The following NAALADL2 variants were observed in gnomAD, a reference collection of about 807,000 sequenced individuals.
NAALADL2 encodes the protein inactive N-acetylated-alpha-linked acidic dipeptidase-like protein 2.
In NAALADL2, 76 loss-of-function variants were observed where a neutral mutation model predicts 87.2. The ratio of observed to expected loss-of-function variants is 0.87; its 90% confidence interval spans 0.72 to 1.05. The LOEUF (loss-of-function observed/expected upper bound fraction) is 1.05. Among genes scored for constraint, NAALADL2 ranks in the 50% least tolerant of loss-of-function variants. NAALADL2 has a pLI of 0.00. For synonymous variants in NAALADL2, 354 were observed against 331.0 expected (o/e 1.07, Z -0.75); for missense variants, 1,089 against 945.8 (o/e 1.15, Z -1.99).
rs1753804382 is a variant in NAALADL2 at position 175,798,854 on chromosome 3, A to C, written c.2190-4151A>C. Among the ~76,000 whole-genome samples, 3 of 151,962 alleles carry C rather than the reference A, an allele frequency of 2.0e-5. No homozygotes were observed. The South Asian group carries it at 6.2e-4, about 31-fold the overall frequency. ...TAACTTTTATGAGCATATTTTATTA[A>C]TAACATCTTATCATTAAATTGAATA... is the stretch of plus-strand genomic sequence containing the variant. On this transcript the variant is annotated intron_variant, in intron 13 of 13. Coordinates refer to ENST00000454872, the MANE Select transcript of NAALADL2 (RefSeq NM_207015.3).
chr3:175,610,673 T>A (rs906141561), intron 10 of NAALADL2, among the ~76,000 whole-genome samples: 1 of 152,138 alleles, frequency 6.6e-6, no homozygotes, highest in Non-Finnish European at 1.5e-5. Flanking sequence ...GAATTTTTGA[T>A]CATGTGTGTT....
intron 6 of NAALADL2, among the ~76,000 whole-genome samples, chr3:175,452,353 A>G (rs367888920): frequency 2.1e-4 from 32 of 152,250 alleles, no homozygotes; most frequent in African/African-American, 6.7e-4. Flanking sequence ...GTTCCAACAT[A>G]ACAAATGACA....
intron 1 of NAALADL2, among the ~76,000 whole-genome samples, chr3:175,053,840 C>T (rs1230770602): frequency 6.6e-6 from 1 of 152,178 alleles, no homozygotes; most frequent in Non-Finnish European, 1.5e-5. Flanking sequence ...GCATTTGAGA[C>T]CAGAGGCATT....
chr3:174,488,041 G>A (rs1478186297), intron 1 of NAALADL2, among the ~76,000 whole-genome samples: 1 of 151,992 alleles, frequency 6.6e-6, no homozygotes, highest in African/African-American at 2.4e-5. Flanking sequence ...TGAGATGGAT[G>A]TCAGGTAGAG....
chr3:175,222,919 TC>T, intron 2 of NAALADL2, among the ~76,000 whole-genome samples: 1 of 152,284 alleles, frequency 6.6e-6, no homozygotes, highest in East Asian at 1.9e-4. Flanking sequence ...TGCTAGATTC[TC>T]ATATGTGTTT....
intron 1 of NAALADL2, among the ~76,000 whole-genome samples, chr3:174,879,333 T>C (rs1051498388): frequency 6.6e-6 from 1 of 152,006 alleles, no homozygotes; most frequent in Non-Finnish European, 1.5e-5. Context: ...TCCTAGTTTA[T>C]CCCCTTCATT....
At chr3:175,394,620 G>T (rs1449285782) in intron 5 of NAALADL2, among the ~76,000 whole-genome samples, 1 of 151,080 alleles carries the variant, frequency 6.6e-6, no homozygotes, top group Non-Finnish European at 1.5e-5. Context: ...TGACAGTTGT[G>T]TTTTTTATGT....
At chr3:175,482,405 G>T (rs1258812256) in intron 9 of NAALADL2, among the ~76,000 whole-genome samples, 1 of 151,370 alleles carries the variant, frequency 6.6e-6, no homozygotes, top group Non-Finnish European at 1.5e-5. Context: ...TTCATCAAAA[G>T]CTTTTTAAGT....
intron 3 of NAALADL2, among the ~76,000 whole-genome samples, chr3:174,787,601 A>ACATATATATATATATATATG (rs1346232794): frequency 2.2e-5 from 2 of 91,208 alleles, no homozygotes; most frequent in African/African-American, 7.7e-5. Flanking sequence ...ATATATATAT[A>ACATATATATATATATATATG]TATATATATA....
chr3:175,056,842 G>T (rs9825180), intron 1 of NAALADL2, among the ~76,000 whole-genome samples: 47,784 of 152,112 alleles, frequency 0.31, 9,676 homozygotes, highest in African/African-American at 0.58. Flanking sequence ...AAGAAAACCC[G>T]TAAGCAGTTT....
chr3:175,217,610 A>G (rs1182040419), intron 2 of NAALADL2, among the ~76,000 whole-genome samples: 1 of 152,226 alleles, frequency 6.6e-6, no homozygotes, highest in Admixed American at 6.5e-5. Flanking sequence ...AGTTAGCTTA[A>G]CAGTGTTCAA....
intron 1 of NAALADL2, among the ~76,000 whole-genome samples, chr3:175,037,244 A>G (rs566725752): frequency 6.6e-6 from 1 of 152,250 alleles, no homozygotes; most frequent in South Asian, 2.1e-4. Context: ...TGGTGATATG[A>G]CTAAGTCACA....
At chr3:174,801,356 C>T (rs1048975441) in intron 3 of NAALADL2, among the ~76,000 whole-genome samples, 2 of 152,164 alleles carry the variant, frequency 1.3e-5, no homozygotes. Flanking sequence ...CCTGCACAAG[C>T]TCTCTCTTTG....
At chr3:175,335,714 T>C (rs1345450220) in intron 5 of NAALADL2, among the ~76,000 whole-genome samples, 1 of 152,182 alleles carries the variant, frequency 6.6e-6, no homozygotes, top group African/African-American at 2.4e-5. Context: ...ATTTGAGAGA[T>C]GTGTCTTGTA....
chr3:175,204,018 AAAG>A (rs1272374085), intron 2 of NAALADL2, among the ~76,000 whole-genome samples: 1 of 152,232 alleles, frequency 6.6e-6, no homozygotes, highest in Non-Finnish European at 1.5e-5. Flanking sequence ...CCAGACATTC[AAAG>A]AAGAATTGGT....
intron 1 of NAALADL2, among the ~76,000 whole-genome samples, chr3:174,931,891 T>A (rs968963712): frequency 1.3e-5 from 2 of 152,238 alleles, no homozygotes; most frequent in East Asian, 3.8e-4. Flanking sequence ...GCTTGGTATC[T>A]GTTTTCACCT....
intron 5 of NAALADL2, 137 bp from the exon 6 acceptor site, chr3:175,447,092 A>T: frequency 1.8e-6 from 1 of 557,588 alleles, no homozygotes; most frequent in Non-Finnish European, 3.1e-6. Flanking sequence ...AACAGGGTAT[A>T]ACTAAGGAGT....
chr3:174,539,977 GAAAAAAA>G (rs57394560), intron 1 of NAALADL2, among the ~76,000 whole-genome samples: 2 of 51,176 alleles, frequency 3.9e-5, no homozygotes, highest in African/African-American at 6.3e-5. Flanking sequence ...GGAAGTTCTG[GAAAAAAA>G]AAAAAAAAAA....
In NAALADL2 at chr3:174,686,761, C is replaced by G. The variant is rs549034730; in HGVS notation, c.-114-50880C>G. 5.3e-5 allele frequency among the ~76,000 whole-genome samples: 8 copies of G among 152,128 alleles called. No homozygotes were observed. In the East Asian group the frequency reaches 1.5e-3, roughly 29 times the overall value. On this transcript the variant is annotated intron_variant, in intron 2 of 3. Transcript: ENST00000434257. ...CATTTGCAAAAGACTGAAACTGGACCTCTTCCTTATGTCATGTGCCAGAAT... is the reference window on the plus strand; with the variant it reads ...CATTTGCAAAAGACTGAAACTGGACGTCTTCCTTATGTCATGTGCCAGAAT...
Sources: allele counts gnomAD v4.1 joint callset (sites outside exome capture counted in the v4.1 genomes callset), GRCh38; gene constraint gnomAD v4.1.1; transcripts MANE v1.5; gene names NCBI Gene and HGNC (gene_info 2026-07-23, HGNC 2026-07-21).